ITFG1: variants seen among roughly 807,000 people sequenced by gnomAD.
ITFG1 encodes the protein integrin alpha FG-GAP repeat containing 1.
In ITFG1, 34 loss-of-function variants were observed where a neutral mutation model predicts 81.8. The ratio of observed to expected loss-of-function variants is 0.42; its 90% confidence interval spans 0.32 to 0.55. ITFG1 has a LOEUF of 0.55. Among genes scored for constraint, ITFG1 ranks in the 20% least tolerant of loss-of-function variants. The pLI is 0.17. For missense variants in ITFG1, 672 were observed against 755.4 expected, an observed-to-expected ratio of 0.89 and a Z score of 1.29; for synonymous variants, 285 against 270.6, an observed-to-expected ratio of 1.05 and a Z score of -0.52.
chr16:47,280,376 T>C (rs1966438812), intron 10 of ITFG1, among the ~76,000 whole-genome samples: 1 of 152,220 alleles, frequency 6.6e-6, no homozygotes, highest in Non-Finnish European at 1.5e-5. Context: ...TGCTTATTCC[T>C]TTATTTAAAA....
At chr16:47,365,192 C>G (rs1968160387) in intron 8 of ITFG1, among the ~76,000 whole-genome samples, 1 of 152,162 alleles carries the variant, frequency 6.6e-6, no homozygotes, top group Non-Finnish European at 1.5e-5. Context: ...AGGATGGGAA[C>G]AAGCACTGAA....
At chr16:47,290,117 T>A (rs1030944234) in intron 10 of ITFG1, among the ~76,000 whole-genome samples, 1 of 152,174 alleles carries the variant, frequency 6.6e-6, no homozygotes, top group Non-Finnish European at 1.5e-5. Flanking sequence ...TTCCATATAT[T>A]TGCACAATTT....
chr16:47,390,085 A>T (rs1968511666), intron 6 of ITFG1, among the ~76,000 whole-genome samples: 1 of 152,218 alleles, frequency 6.6e-6, no homozygotes, highest in East Asian at 1.9e-4. Flanking sequence ...TTCCACGTGG[A>T]AAGAAAAGCA....
At chr16:47,325,449 C>T (rs532797264) in intron 8 of ITFG1, among the ~76,000 whole-genome samples, 1 of 152,154 alleles carries the variant, frequency 6.6e-6, no homozygotes, top group African/African-American at 2.4e-5. Flanking sequence ...GAAAAGCTAG[C>T]AGAAGGCAAG....
At chr16:47,307,616 T>C (rs1373061204) in intron 10 of ITFG1, among the ~76,000 whole-genome samples, 1 of 152,100 alleles carries the variant, frequency 6.6e-6, no homozygotes. Flanking sequence ...TCCAGGACAA[T>C]ATTTCTTTCT....
intron 8 of ITFG1, among the ~76,000 whole-genome samples, chr16:47,345,856 C>CAA (rs1967846902): frequency 6.6e-6 from 1 of 152,086 alleles, no homozygotes; most frequent in Non-Finnish European, 1.5e-5. Context: ...TAGAAAATGA[C>CAA]CATATATGCA....
chr16:47,460,945 A>G lies in ITFG1; in HGVS notation c.101T>C (p.Leu34Pro). The G allele has an allele frequency of 1.2e-6, 2 of 1,610,728 alleles. No individual in the cohort carries two copies. The highest frequency in any genetic ancestry group is 1.7e-6 in the Non-Finnish European group (2 of 1,178,950). ...AAAGAGCTCGGCCGTGACGTTGTGC[A>G]GCGCCCGCGCTGGGACCGGCCCGAC... ...LGVGPVPARA[L>P]HNVTAELFGA... The change falls in exon 1 of 18, where the codon CTG becomes CCG. Residue 34 changes from leucine to proline, a missense_variant. By Grantham distance (98) the Leu-to-Pro change is moderately conservative. Coordinates refer to ENST00000320640, the MANE Select transcript of ITFG1 (RefSeq NM_030790.5).
chr16:47,373,674 C>G (rs569751528), intron 7 of ITFG1, among the ~76,000 whole-genome samples: 1 of 152,302 alleles, frequency 6.6e-6, no homozygotes, highest in Non-Finnish European at 1.5e-5. Context: ...ATGTATATCT[C>G]ATCATACCAG....
chr16:47,210,269 T>A lies in ITFG1; in HGVS notation c.1453+8599A>T, dbSNP rs1965547708. Among the ~76,000 whole-genome samples the A allele has an allele frequency of 2.0e-5, 3 of 152,178 alleles. No homozygotes were observed. In the South Asian group the frequency reaches 6.2e-4, roughly 31 times the overall value. On this transcript the variant is annotated intron_variant, in intron 14 of 17. Coordinates refer to ENST00000320640, the MANE Select transcript of ITFG1 (RefSeq NM_030790.5). The stretch of plus-strand genomic sequence containing the variant: ...GGTGTGTAGTATATCCCATTGTGGT[T>A]TTCATGTGCATTTCCCTAATTAAAT...
intron 14 of ITFG1, among the ~76,000 whole-genome samples, chr16:47,204,602 C>T (rs1238480975): frequency 1.3e-5 from 2 of 152,124 alleles, no homozygotes; most frequent in Non-Finnish European, 2.9e-5. Context: ...TGCATACACA[C>T]ATCATTTGTA....
At chr16:47,434,224 A>T (rs1596981607) in intron 5 of ITFG1, among the ~76,000 whole-genome samples, 1 of 152,114 alleles carries the variant, frequency 6.6e-6, no homozygotes, top group Middle Eastern at 3.4e-3. Flanking sequence ...AATTAAACTA[A>T]AGAGTTTCTG....
chr16:47,158,728 AATG>A, intron 17 of ITFG1, 142 bp downstream of exon 17: 1 of 488,680 alleles, frequency 2.0e-6, no homozygotes, highest in Non-Finnish European at 3.7e-6. Flanking sequence ...TCATCAATAA[AATG>A]ATGCTTTGAA....
chr16:47,301,369 C>CAAAA (rs1967073231), intron 10 of ITFG1, among the ~76,000 whole-genome samples: 1 of 151,714 alleles, frequency 6.6e-6, no homozygotes, highest in Non-Finnish European at 1.5e-5. Flanking sequence ...TCAAAACTGG[C>CAAAA]AGTATTTCCA....
At chr16:47,270,579 A>G (rs1201095929) in intron 10 of ITFG1, among the ~76,000 whole-genome samples, 1 of 152,246 alleles carries the variant, frequency 6.6e-6, no homozygotes, top group African/African-American at 2.4e-5. Context: ...AGGAAAGCAC[A>G]TGTTCAGACA....
chr16:47,271,462 A>T (rs1465442426), intron 10 of ITFG1, among the ~76,000 whole-genome samples: 2 of 152,228 alleles, frequency 1.3e-5, no homozygotes, highest in Non-Finnish European at 2.9e-5. Context: ...GACAGGTAAC[A>T]GAGGTTGGTG....
At chr16:47,256,889 A>C (rs929971270) in intron 12 of ITFG1, among the ~76,000 whole-genome samples, 1 of 152,224 alleles carries the variant, frequency 6.6e-6, no homozygotes, top group Non-Finnish European at 1.5e-5. Context: ...TTGGTCACAC[A>C]AATCAACATG....
intron 14 of ITFG1, among the ~76,000 whole-genome samples, chr16:47,192,743 G>T (rs954003959): frequency 6.6e-6 from 1 of 152,164 alleles, no homozygotes; most frequent in African/African-American, 2.4e-5. Context: ...AAGGAGAGCA[G>T]TAACTCTGGA....
chr16:47,184,202 C>T (rs910633955), intron 14 of ITFG1, among the ~76,000 whole-genome samples: 2 of 152,196 alleles, frequency 1.3e-5, no homozygotes, highest in African/African-American at 4.8e-5. Flanking sequence ...GGAAAACATT[C>T]TGCAGGATAT....
Position 47,167,434 on chromosome 16 carries a change from G to A in ITFG1, c.1454-4770C>T, listed in dbSNP as rs565407846. ...ATGGCCGGTCCTTGCCTTAACTGGT[G>A]ATATTCCACCACAAAAGAAGTAAAA... On this transcript the variant is annotated intron_variant, in intron 14 of 17. Coordinates refer to ENST00000320640, the MANE Select transcript of ITFG1 (RefSeq NM_030790.5). Among the ~76,000 whole-genome samples, 3 of 152,246 alleles carry A rather than the reference G, an allele frequency of 2.0e-5. No individual in the cohort carries two copies. In the South Asian group the frequency reaches 6.2e-4, roughly 32 times the overall value.
Sources: allele counts gnomAD v4.1 joint callset (sites outside exome capture counted in the v4.1 genomes callset), GRCh38; gene constraint gnomAD v4.1.1; transcripts MANE v1.5; gene names NCBI Gene and HGNC (gene_info 2026-07-23, HGNC 2026-07-21).